Variants in RPTOR observed in about 807,000 individuals in gnomAD.
RPTOR encodes the protein regulatory-associated protein of mTOR.
Under a neutral mutation model 169.9 loss-of-function variants are expected in RPTOR, and 21 were observed. The ratio of observed to expected loss-of-function variants is 0.12; its 90% confidence interval spans 0.09 to 0.18. The LOEUF is 0.18. RPTOR is among the 10% of genes least tolerant of loss of function. The pLI is 1.00. For missense variants in RPTOR, 1,133 were observed against 1,855.9 expected, an observed-to-expected ratio of 0.61 and a Z score of 7.16; for synonymous variants, 732 against 753.2, an observed-to-expected ratio of 0.97 and a Z score of 0.46.
chr17:80,766,216 G>T (rs1379463584), intron 6 of RPTOR, among the ~76,000 whole-genome samples: 1 of 151,938 alleles, frequency 6.6e-6, no homozygotes, highest in Non-Finnish European at 1.5e-5. Flanking sequence ...CCACCATTCT[G>T]ACTAATTTTT....
chr17:80,947,496 A>T lies in RPTOR; in HGVS notation c.3265+145A>T, dbSNP rs1489352327. The T allele has an allele frequency of 9.7e-6, 11 of 1,130,266 alleles. No individual in the cohort carries two copies. The highest frequency in any genetic ancestry group is 1.3e-5 in the Non-Finnish European group (11 of 865,970). The allele number at this position is 1,130,266 out of a possible 1,614,324, so 70.0% of individuals were successfully genotyped here. On this transcript the variant is annotated intron_variant, in intron 27 of 33. Transcript: ENST00000306801. This position sits in a 1 kb window ranked among gnomAD's most constrained non-coding sequence, Gnocchi z 4.4. ...GGGCCACTGTCATTCAGAAGTGGGG[A>T]GGTTTATGAGGGAAAGGGCTTCAGC...
At chr17:80,588,194 G>A (rs1033049517) in intron 1 of RPTOR, among the ~76,000 whole-genome samples, 3 of 143,660 alleles carry the variant, frequency 2.1e-5, no homozygotes, top group Admixed American at 7.1e-5. Context: ...ATGGAATCTC[G>A]CCATGTCGCC....
chr17:80,776,819 A>G (rs763484289), intron 6 of RPTOR, among the ~76,000 whole-genome samples: 19 of 152,252 alleles, frequency 1.2e-4, no homozygotes, highest in Non-Finnish European at 2.8e-4. Context: ...GGCCAGAGAC[A>G]GAGAAGGCCC....
intron 24 of RPTOR, among the ~76,000 whole-genome samples, chr17:80,930,470 C>T (rs1260341046): frequency 2.8e-4 from 36 of 128,524 alleles, no homozygotes; most frequent in Middle Eastern, 8.6e-3. Flanking sequence ...CAGCTCATCC[C>T]CAGCTCATCC....
intron 17 of RPTOR, among the ~76,000 whole-genome samples, chr17:80,886,824 G>C (rs1414420908): frequency 6.6e-6 from 1 of 152,232 alleles, no homozygotes; most frequent in East Asian, 1.9e-4. Flanking sequence ...GCTGTCTCGG[G>C]GATGCTGGGC....
intron 9 of RPTOR, among the ~76,000 whole-genome samples, chr17:80,833,080 C>G (rs139401580): frequency 7.2e-6 from 1 of 139,018 alleles, no homozygotes; most frequent in South Asian, 2.4e-4. Flanking sequence ...CGTTTCTCTG[C>G]GGTAATAACC....
At chr17:80,686,771 G>A (rs755956860) in intron 3 of RPTOR, among the ~76,000 whole-genome samples, 9 of 152,142 alleles carry the variant, frequency 5.9e-5, no homozygotes, top group Non-Finnish European at 1.2e-4. Context: ...GAGGATGAGT[G>A]GTCCAGCCCC....
chr17:80,775,518 G>A (rs191414055), intron 6 of RPTOR, among the ~76,000 whole-genome samples: 1 of 152,324 alleles, frequency 6.6e-6, no homozygotes, highest in East Asian at 1.9e-4. Flanking sequence ...TGCAGCAGAA[G>A]CAAGGAGGCA....
intron 7 of RPTOR, among the ~76,000 whole-genome samples, chr17:80,813,851 TGACTCGGTACGG>T (rs1398244623): frequency 3.3e-5 from 5 of 152,228 alleles, no homozygotes; most frequent in African/African-American, 1.2e-4. Flanking sequence ...CATACAGTTT[TGACTCGGTACGG>T]TGGCTTATGC....
Position 80,947,464 on chromosome 17 carries a change from C to T in RPTOR, c.3265+113C>T. 7.6e-7 allele frequency: 1 copy of T among 1,311,034 alleles called. No homozygotes were observed. The highest frequency in any genetic ancestry group is 1.5e-5 in the African/African-American group (1 of 65,832). The allele number at this position is 1,311,034 out of a possible 1,614,324, so 81.2% of individuals were successfully genotyped here. A position where few individuals can be genotyped will look rare whatever the true frequency, so the allele number is the denominator to read the frequency against. On this transcript the variant is annotated intron_variant, in intron 27 of 33. Transcript: ENST00000306801. The surrounding 1 kb of genome is among the most constrained non-coding windows in gnomAD (Gnocchi z 4.4). ...TCTGTCTTACAGAAAGCCCTGCTCA[C>T]ACGCGAGGGCCACTGTCATTCAGAA...
chr17:80,634,643 A>ATACTGTATGTGCGTACTGTGTGTGTGCG (rs2065484992), intron 2 of RPTOR, among the ~76,000 whole-genome samples: 2 of 51,780 alleles, frequency 3.9e-5, no homozygotes, highest in Admixed American at 4.7e-4. Flanking sequence ...GTGTGTGTGC[A>ATACTGTATGTGCGTACTGTGTGTGTGCG]TACTGTATGT....
Position 80,823,352 on chromosome 17 carries a change from AGTGAAG to A in RPTOR, c.1136+130_1136+135del. Reference sequence around the variant, plus strand: ...TTGGGGACCCCGTGTAGCATTAACAAGTGAAGCTAAATGCAGGGCTCCCAGAGATCT... The same window carrying A: ...TTGGGGACCCCGTGTAGCATTAACAACTAAATGCAGGGCTCCCAGAGATCT... On this transcript the variant is annotated intron_variant, in intron 9 of 33. Transcript: ENST00000306801. The surrounding 1 kb of genome is among the most constrained non-coding windows in gnomAD (Gnocchi z 4.5). The A allele has an allele frequency of 8.4e-7, 1 of 1,194,796 alleles. No homozygotes were observed. The allele number at this position is 1,194,796 out of a possible 1,614,324, so 74.0% of individuals were successfully genotyped here.
intron 9 of RPTOR, among the ~76,000 whole-genome samples, chr17:80,834,830 C>A (rs1052967139): frequency 6.6e-6 from 1 of 152,222 alleles, no homozygotes; most frequent in Non-Finnish European, 1.5e-5. Flanking sequence ...CCAGGTGCCA[C>A]GCTGGTCTGC....
intron 3 of RPTOR, among the ~76,000 whole-genome samples, chr17:80,668,582 G>A (rs141067388): frequency 3.9e-5 from 6 of 152,276 alleles, no homozygotes; most frequent in Non-Finnish European, 7.3e-5. Flanking sequence ...TGACACCCCC[G>A]TCTCCCATGT....
intron 2 of RPTOR, 60 bp from the exon 3 acceptor site, chr17:80,643,668 G>A: frequency 7.9e-7 from 1 of 1,267,012 alleles, no homozygotes; most frequent in Non-Finnish European, 1.1e-6. Flanking sequence ...GTGGAAGAGA[G>A]GCCTAGCAGA....
chr17:80,619,885 A>C (rs1170534241), intron 1 of RPTOR, among the ~76,000 whole-genome samples: 1 of 152,166 alleles, frequency 6.6e-6, no homozygotes, highest in East Asian at 1.9e-4. Flanking sequence ...CTGTTATAAT[A>C]ACATCAGGAC....
intron 1 of RPTOR, among the ~76,000 whole-genome samples, chr17:80,588,291 T>C (rs1374141375): frequency 6.6e-6 from 1 of 151,978 alleles, no homozygotes; most frequent in Non-Finnish European, 1.5e-5. Flanking sequence ...GTCTCCTGAG[T>C]AGCTGGGATT....
chr17:80,828,124 GT>G (rs1245719796), intron 9 of RPTOR, among the ~76,000 whole-genome samples: 2 of 152,200 alleles, frequency 1.3e-5, no homozygotes, highest in African/African-American at 4.8e-5. Flanking sequence ...GTCACCTCTT[GT>G]TACACATGGC....
rs933022166 is a variant in RPTOR at position 80,677,982 on chromosome 17, A to G, written c.349-29859A>G. Among the ~76,000 whole-genome samples the G allele has an allele frequency of 6.6e-5, 10 of 152,340 alleles. No homozygotes were observed. In the South Asian group the frequency reaches 2.1e-3, roughly 32 times the overall value. ...GTTGTGTCTTAGGTTCCTGTCTCCA[A>G]AGTATTTCCTCCAGAATAATGTAGA... On this transcript the variant is annotated intron_variant, in intron 3 of 33. Transcript: ENST00000306801.
Sources: gnomAD v4.1 joint callset for allele counts (sites outside exome capture counted in the v4.1 genomes callset) on GRCh38, gnomAD v4.1.1 for gene constraint, Gnocchi (gnomAD v3.1) non-coding constraint, MANE v1.5 for transcripts, NCBI Gene and HGNC (gene_info 2026-07-23, HGNC 2026-07-21) for gene names.